The following RNF130 variants were observed in gnomAD, a reference collection of about 807,000 sequenced individuals.
The protein encoded by RNF130 is ring finger protein 130.
A neutral mutation model predicts 44.6 loss-of-function variants in RNF130; 21 were observed. The ratio of observed to expected loss-of-function variants is 0.47; its 90% CI spans 0.33 to 0.68. The LOEUF is 0.68. Ranked by LOEUF, RNF130 falls within the 30% of genes least tolerant of loss-of-function variation. The pLI is 0.02. For missense variants in RNF130, 479 were observed against 560.6 expected (o/e 0.85, Z 1.47); for synonymous variants, 214 against 210.4 (o/e 1.02, Z -0.15).
At chr5:180,067,083 C>T (rs901446327) in intron 1 of RNF130, among the ~76,000 whole-genome samples, 2 of 152,074 alleles carry the variant, frequency 1.3e-5, no homozygotes, top group African/African-American at 4.8e-5. Flanking sequence ...TTATTCAAGG[C>T]GGGAGGGATC....
chr5:180,046,102 G>A (rs528918846), intron 1 of RNF130, among the ~76,000 whole-genome samples: 12 of 152,312 alleles, frequency 7.9e-5, no homozygotes, highest in African/African-American at 1.9e-4. Context: ...GAGGCCCCAC[G>A]AGAATCTGTG....
intron 7 of RNF130, among the ~76,000 whole-genome samples, chr5:179,922,382 G>A (rs919058037): frequency 6.6e-6 from 1 of 151,732 alleles, no homozygotes; most frequent in Non-Finnish European, 1.5e-5. Context: ...GCGCCATCTC[G>A]GCTCACTGCA....
At chr5:180,067,271 T>C (rs1554108237) in intron 1 of RNF130, among the ~76,000 whole-genome samples, 1 of 152,224 alleles carries the variant, frequency 6.6e-6, no homozygotes, top group Non-Finnish European at 1.5e-5. Flanking sequence ...TCTTCATTCC[T>C]ATTAATTTTT....
At position 179,935,217 on chromosome 5, in the gene RNF130, C is replaced by T. The variant is rs1183973338; in HGVS notation, c.1151-14791G>A. Among the ~76,000 whole-genome samples the T allele has an allele frequency of 8.5e-5, 13 of 152,216 alleles. No homozygotes were observed. In the East Asian group the frequency reaches 2.5e-3, roughly 29 times the overall value. On this transcript the variant is annotated intron_variant, in intron 7 of 7. Transcript: ENST00000522208. ...AATTCCGCTGGTCAGAAAACATACTCTACAGATTTCAATCCTTAAATATTA... is the reference window on the plus strand; with the variant it reads ...AATTCCGCTGGTCAGAAAACATACTTTACAGATTTCAATCCTTAAATATTA...
exon 8 of RNF130, chr5:179,914,319 T>G (rs1241979763): frequency 6.6e-6 from 1 of 152,264 alleles, no homozygotes; most frequent in Admixed American, 6.5e-5. Flanking sequence ...ATGTTGACTT[T>G]AGTCACATTA....
intron 7 of RNF130, among the ~76,000 whole-genome samples, chr5:179,928,730 G>A (rs1269541271): frequency 6.6e-6 from 1 of 151,350 alleles, no homozygotes. Context: ...CTGGGTTCAT[G>A]CCATTCTCCT....
intron 7 of RNF130, among the ~76,000 whole-genome samples, chr5:179,946,240 G>A (rs1030393432): frequency 6.6e-6 from 1 of 152,212 alleles, no homozygotes; most frequent in Non-Finnish European, 1.5e-5. Context: ...TCCGAATTCT[G>A]AGTGACTCTT....
chr5:179,954,095 CT>C (rs1386460779), downstream of RNF130, among the ~76,000 whole-genome samples: 5 of 152,208 alleles, frequency 3.3e-5, no homozygotes, highest in African/African-American at 7.2e-5. Context: ...CAGGCAGTCA[CT>C]GGTGTTATGG....
chr5:180,024,259 T>C (rs955236169), intron 2 of RNF130, among the ~76,000 whole-genome samples: 2 of 152,066 alleles, frequency 1.3e-5, no homozygotes, highest in Non-Finnish European at 2.9e-5. Context: ...AAAAACTAGG[T>C]GAAAACTAAG....
chr5:180,009,513 A>T (rs766506422), intron 3 of RNF130, among the ~76,000 whole-genome samples: 19 of 152,244 alleles, frequency 1.2e-4, no homozygotes, highest in Non-Finnish European at 8.8e-5. Context: ...AGAGAAATGC[A>T]AACTAAAACC....
At chr5:179,968,432 G>A (rs552414313) in intron 6 of RNF130, among the ~76,000 whole-genome samples, 87 of 152,260 alleles carry the variant, frequency 5.7e-4, no homozygotes, top group African/African-American at 2.0e-3. Context: ...GTGGGAGGCC[G>A]AGAAGGGCAG....
intron 3 of RNF130, among the ~76,000 whole-genome samples, chr5:179,984,409 G>T (rs1376975719): frequency 6.6e-6 from 1 of 152,170 alleles, no homozygotes; most frequent in Non-Finnish European, 1.5e-5. Context: ...AATGGTGGCT[G>T]TCAGTTTTTC....
chr5:179,997,473 A>G (rs1342787653), intron 3 of RNF130, among the ~76,000 whole-genome samples: 3 of 151,824 alleles, frequency 2.0e-5, no homozygotes, highest in Non-Finnish European at 4.4e-5. Flanking sequence ...ACAGACTCCC[A>G]CCACCACACC....
exon 8 of RNF130, chr5:179,916,612 T>C (rs146739517): frequency 2.8e-4 from 42 of 152,348 alleles, no homozygotes; most frequent in African/African-American, 9.6e-4. Flanking sequence ...CTCAAGGCAG[T>C]GCCTCGTGAA....
chr5:179,963,177 T>C (rs1762371844), intron 8 of RNF130, among the ~76,000 whole-genome samples: 1 of 152,238 alleles, frequency 6.6e-6, no homozygotes, highest in Non-Finnish European at 1.5e-5. Context: ...TCTAAGACTA[T>C]ACTGCTCCTT....
chr5:179,986,854 T>A (rs1454485681), intron 3 of RNF130, among the ~76,000 whole-genome samples: 1 of 152,248 alleles, frequency 6.6e-6, no homozygotes, highest in African/African-American at 2.4e-5. Context: ...ATTTCTTTCA[T>A]CAGTATTTGA....
At position 179,941,036 on chromosome 5, in the gene RNF130, CTTTTGA is replaced by C. The variant is rs1761963842; in HGVS notation, c.1151-20616_1151-20611del. On this transcript the variant is annotated intron_variant, in intron 7 of 7. Coordinates refer to the RNF130 transcript ENST00000522208. ...AATTATTTTTCAGTCCTCGCATTTC[CTTTTGA>C]TTTTGTTATTTCCACTTATTGGTCA... Among the ~76,000 whole-genome samples, 6 of 152,188 alleles carry C rather than the reference CTTTTGA, an allele frequency of 3.9e-5. No homozygotes were observed. The South Asian group carries it at 1.2e-3, about 32-fold the overall frequency.
chr5:180,033,970 C>T lies in RNF130; in HGVS notation c.442+6483G>A, dbSNP rs141888463. ...AATACAACTAATGAGAGTGGACATC[C>T]TTGGCTTGTTCCTGATCTTAGGGAG... On this transcript the variant is annotated intron_variant, in intron 2 of 8. Transcript: ENST00000521389. Among the ~76,000 whole-genome samples the T allele has an allele frequency of 2.4e-3, 370 of 152,212 alleles. 1 individual carries two copies. The highest frequency in any genetic ancestry group is 8.2e-3 in the African/African-American group (342 of 41,544).
chr5:179,997,792 T>A (rs1414570103), intron 3 of RNF130, among the ~76,000 whole-genome samples: 1 of 151,532 alleles, frequency 6.6e-6, no homozygotes, highest in Non-Finnish European at 1.5e-5. Flanking sequence ...CACTTATTCC[T>A]GATTTGAACT....
Sources: gnomAD v4.1 joint callset for allele counts (sites outside exome capture counted in the v4.1 genomes callset) on GRCh38, gnomAD v4.1.1 for gene constraint, MANE v1.5 for transcripts, NCBI Gene and HGNC (gene_info 2026-07-23, HGNC 2026-07-21) for gene names.